PDE1A: variants seen among roughly 807,000 people sequenced by gnomAD.
PDE1A encodes the protein dual specificity calcium/calmodulin-dependent 3',5'-cyclic nucleotide phosphodiesterase 1A.
PDE1A carries 35 observed loss-of-function variants against 61.7 expected under a neutral mutation model. The observed-to-expected ratio is 0.57, with a 90% confidence interval of 0.43 to 0.75. PDE1A has a LOEUF of 0.75. Among genes scored for constraint, PDE1A ranks in the 30% least tolerant of loss-of-function variants. The probability of loss-of-function intolerance (pLI) is 0.00; values close to 1 mark genes in which losing one functional copy is unlikely to be tolerated. For synonymous variants in PDE1A, 232 were observed against 213.2 expected, an observed-to-expected ratio of 1.09 and a Z score of -0.77; for missense variants, 597 against 630.6, an observed-to-expected ratio of 0.95 and a Z score of 0.57.
chr2:182,293,589 T>C (rs1474576520), intron 1 of PDE1A, among the ~76,000 whole-genome samples: 2 of 152,122 alleles, frequency 1.3e-5, no homozygotes, highest in African/African-American at 4.8e-5. Context: ...GTCCCCTCAT[T>C]CGTGGGGAAT....
chr2:182,213,240 G>C (rs1290440195), intron 7 of PDE1A, among the ~76,000 whole-genome samples: 1 of 146,686 alleles, frequency 6.8e-6, no homozygotes, highest in African/African-American at 2.5e-5. Flanking sequence ...CAAACAGAAA[G>C]GACATCCACA....
At chr2:182,659,456 G>A in the PDE1A span, among the ~76,000 whole-genome samples, 2 of 152,116 alleles carry the variant, frequency 1.3e-5, no homozygotes, top group Non-Finnish European at 2.9e-5. Context: ...ATAAAGAGTT[G>A]TACATAAATC....
intron 1 of PDE1A, among the ~76,000 whole-genome samples, chr2:182,292,374 T>A (rs1171360840): frequency 6.6e-6 from 1 of 152,038 alleles, no homozygotes; most frequent in Non-Finnish European, 1.5e-5. Context: ...AACAAAAAAA[T>A]TATCTTACTA....
chr2:182,651,835 C>T, the PDE1A span, among the ~76,000 whole-genome samples: 6 of 152,154 alleles, frequency 3.9e-5, no homozygotes, highest in Admixed American at 3.3e-4. Flanking sequence ...CAGATCATCA[C>T]AAGGCTGTGA....
chr2:182,344,529 C>G (rs1041874826), intron 1 of PDE1A, among the ~76,000 whole-genome samples: 19 of 152,084 alleles, frequency 1.2e-4, no homozygotes, highest in Admixed American at 2.6e-4. Context: ...TTAACACCTC[C>G]ACTTGTAGTC....
intron 1 of PDE1A, among the ~76,000 whole-genome samples, chr2:182,279,263 T>G (rs191327774): frequency 1.3e-5 from 2 of 152,062 alleles, no homozygotes; most frequent in African/African-American, 4.8e-5. Context: ...CTGTAATTCT[T>G]AGACGAGCAC....
At chr2:182,249,065 C>T (rs1457410435) in intron 2 of PDE1A, among the ~76,000 whole-genome samples, 4 of 152,202 alleles carry the variant, frequency 2.6e-5, no homozygotes, top group Non-Finnish European at 5.9e-5. Context: ...TGAAAGTTCT[C>T]AGCTCCTTGT....
chr2:182,325,536 G>A (rs1040134830), intron 1 of PDE1A, among the ~76,000 whole-genome samples: 2 of 152,092 alleles, frequency 1.3e-5, no homozygotes, highest in Admixed American at 6.5e-5. Flanking sequence ...GCAACTCAAA[G>A]AATTGGAGAA....
intron 13 of PDE1A, among the ~76,000 whole-genome samples, chr2:182,184,281 T>TA (rs1685029595): frequency 6.6e-6 from 1 of 150,616 alleles, no homozygotes; most frequent in Non-Finnish European, 1.5e-5. Flanking sequence ...AAGACCTAGA[T>TA]ATATCATCAT....
At chr2:182,286,292 G>T (rs554907240) in intron 1 of PDE1A, among the ~76,000 whole-genome samples, 36 of 151,980 alleles carry the variant, frequency 2.4e-4, no homozygotes, top group African/African-American at 8.2e-4. Context: ...GCAACTTAGG[G>T]GTCCTCCCTA....
intron 2 of PDE1A, among the ~76,000 whole-genome samples, chr2:182,500,831 C>T (rs1158130868): frequency 6.6e-6 from 1 of 152,132 alleles, no homozygotes; most frequent in Non-Finnish European, 1.5e-5. Flanking sequence ...TATATAATGA[C>T]ACTAATTGTG....
At chr2:182,532,356 T>C in the PDE1A span, among the ~76,000 whole-genome samples, 1 of 152,186 alleles carries the variant, frequency 6.6e-6, no homozygotes, top group East Asian at 1.9e-4. Context: ...CCAATAAATA[T>C]GTACATTGTG....
chr2:182,515,459 T>C (rs1690074030), intron 2 of PDE1A, among the ~76,000 whole-genome samples: 1 of 152,232 alleles, frequency 6.6e-6, no homozygotes, highest in African/African-American at 2.4e-5. Context: ...CAGGTAGTAT[T>C]GTAATATTAG....
chr2:182,293,604 T>C (rs557637450), intron 1 of PDE1A, among the ~76,000 whole-genome samples: 4 of 152,226 alleles, frequency 2.6e-5, no homozygotes, highest in Non-Finnish European at 5.9e-5. Flanking sequence ...GGGAATGTGT[T>C]CCAAAACTCC....
chr2:182,568,154 T>C, the PDE1A span, among the ~76,000 whole-genome samples: 1 of 152,148 alleles, frequency 6.6e-6, no homozygotes, highest in Non-Finnish European at 1.5e-5. Flanking sequence ...TTGTAGAGTT[T>C]CCTTTAGTTA....
At chr2:182,648,419 C>T in the PDE1A span, among the ~76,000 whole-genome samples, 1 of 148,600 alleles carries the variant, frequency 6.7e-6, no homozygotes, top group Non-Finnish European at 1.5e-5. Context: ...CACCTGTAAT[C>T]CCAGCACTTA....
intron 1 of PDE1A, among the ~76,000 whole-genome samples, chr2:182,298,830 A>G (rs1386517485): frequency 6.6e-6 from 1 of 152,038 alleles, no homozygotes; most frequent in East Asian, 1.9e-4. Flanking sequence ...AGTCTTGAGG[A>G]CTCTAGACTT....
the PDE1A span, among the ~76,000 whole-genome samples, chr2:182,534,241 TCATGATTTAGC>T: frequency 6.6e-6 from 1 of 152,082 alleles, no homozygotes; most frequent in Non-Finnish European, 1.5e-5. Flanking sequence ...TTTGGTTGTA[TCATGATTTAGC>T]CAATCCCTGT....
rs955524626 is a variant in PDE1A, at chr2:182,155,166, A to G, written c.1517-8014T>C. On this transcript the variant is annotated intron_variant, in intron 13 of 13. Transcript: ENST00000409365. Reference sequence around the variant, plus strand: ...CAATGGTGCCATCATGGCTCACTGCAGCCTCCACCTCCTGGGCTCAGTTGA... The same window carrying G: ...CAATGGTGCCATCATGGCTCACTGCGGCCTCCACCTCCTGGGCTCAGTTGA... Among the ~76,000 whole-genome samples, 5 of 147,694 alleles carry G rather than the reference A, an allele frequency of 3.4e-5. No individual in the cohort carries two copies. In the East Asian group the frequency reaches 1.0e-3, roughly 30 times the overall value.
Sources: gnomAD v4.1 joint callset for allele counts (sites outside exome capture counted in the v4.1 genomes callset) on GRCh38, gnomAD v4.1.1 for gene constraint, MANE v1.5 for transcripts, NCBI Gene and HGNC (gene_info 2026-07-23, HGNC 2026-07-21) for gene names.